The following PDE6C variants were observed in gnomAD, a reference collection of about 807,000 sequenced individuals.
The protein encoded by PDE6C is phosphodiesterase 6C.
In PDE6C, 75 loss-of-function variants were observed where a neutral mutation model predicts 113.1. The observed-to-expected ratio is 0.66, with a 90% CI of 0.55 to 0.80. The LOEUF is 0.80. PDE6C is among the 30% of genes least tolerant of loss of function. The probability of loss-of-function intolerance (pLI) is 0.00; values close to 1 mark genes in which losing one functional copy is unlikely to be tolerated. For synonymous variants in PDE6C, 375 were observed against 363.7 expected (o/e 1.03, Z -0.35); for missense variants, 912 against 1,038.6 (o/e 0.88, Z 1.67).
At chr10:93,614,241 A>T (rs1589691220) in intron 1 of PDE6C, among the ~76,000 whole-genome samples, 1 of 152,200 alleles carries the variant, frequency 6.6e-6, no homozygotes, top group Admixed American at 6.5e-5. Flanking sequence ...AGGCAGGAGG[A>T]TAATCTCCTA....
chr10:93,662,460 CAAA>C (rs11364728), intron 19 of PDE6C, 97 bp from the exon 20 acceptor site: 7,233 of 310,542 alleles, frequency 0.023, no homozygotes, highest in East Asian at 0.034. Flanking sequence ...GACTCTGCCT[CAAA>C]AAAAAAAAAA....
At chr10:93,662,531 T>C (rs1191314585) in intron 19 of PDE6C, 29 bp from the exon 20 acceptor site, 2 of 1,006,468 alleles carry the variant, frequency 2.0e-6, no homozygotes, top group African/African-American at 3.2e-5. Flanking sequence ...CTTAGAAACC[T>C]GTCTTAAAGG....
intron 8 of PDE6C, among the ~76,000 whole-genome samples, chr10:93,632,377 G>C (rs1444301807): frequency 2.6e-5 from 4 of 152,126 alleles, no homozygotes; most frequent in Non-Finnish European, 5.9e-5. Context: ...AGGGTTCCTC[G>C]AAGTGGACTA....
chr10:93,614,390 T>C (rs1035965306), intron 1 of PDE6C, among the ~76,000 whole-genome samples: 1 of 152,176 alleles, frequency 6.6e-6, no homozygotes, highest in African/African-American at 2.4e-5. Context: ...CTGGTAGGGC[T>C]TCAGTCCTGA....
rs546607978 is a variant in PDE6C, at chr10:93,635,642, T to G, written c.1413+2T>G. The G allele has an allele frequency of 6.2e-7, 1 of 1,613,754 alleles. No homozygotes were observed. The highest frequency in any genetic ancestry group is 1.3e-5 in the African/African-American group (1 of 75,032). On this transcript the variant is annotated splice_donor_variant, in intron 10 of 21. Coordinates refer to ENST00000371447, the MANE Select transcript of PDE6C (RefSeq NM_006204.4). LOFTEE classifies it high-confidence loss of function. ...CCTGAAGAAATTAAGTCCATTTTGGTAAGTGGGAAATTCAGTCCTGTGGAC... is the reference window on the plus strand; with the variant it reads ...CCTGAAGAAATTAAGTCCATTTTGGGAAGTGGGAAATTCAGTCCTGTGGAC...
Position 93,652,290 on chromosome 10 carries a change from C to A in PDE6C, c.1936-3470C>A, listed in dbSNP as rs113400768. ...ACTAATACAAAAACTGGAATGGGAT[C>A]TTTTATATGAATCTATATCCACAAC... On this transcript the variant is annotated intron_variant, in intron 15 of 21. Coordinates refer to ENST00000371447, the MANE Select transcript of PDE6C (RefSeq NM_006204.4). 8.8e-3 allele frequency among the ~76,000 whole-genome samples: 1,347 copies of A among 152,222 alleles called. 23 individuals are homozygous for A. The highest frequency in any genetic ancestry group is 0.03 in the African/African-American group (1,263 of 41,546).
At chr10:93,665,226 C>A in intron 21 of PDE6C, 134 bp from the exon 22 acceptor site, 1 of 767,066 alleles carries the variant, frequency 1.3e-6, no homozygotes, top group Non-Finnish European at 2.3e-6. Flanking sequence ...TTTACATGGT[C>A]AAACCCACAG....
At chr10:93,659,038 GT>G (rs773702961) in intron 17 of PDE6C, 30 bp downstream of exon 17, 36 of 1,573,150 alleles carry the variant, frequency 2.3e-5, no homozygotes, top group Non-Finnish European at 2.9e-5. Context: ...TTTCTCTCTT[GT>G]TTTTTGTAAA....
intron 11 of PDE6C, among the ~76,000 whole-genome samples, chr10:93,639,022 C>T (rs1175269700): frequency 6.6e-6 from 1 of 152,206 alleles, no homozygotes; most frequent in African/African-American, 2.4e-5. Context: ...TTGTGTCCTC[C>T]TCAGTGCACT....
At chr10:93,633,910 C>T (rs995461486) in intron 8 of PDE6C, among the ~76,000 whole-genome samples, 2 of 152,186 alleles carry the variant, frequency 1.3e-5, no homozygotes, top group Non-Finnish European at 2.9e-5. Flanking sequence ...AGAAAACAGA[C>T]ACTTGGTTCT....
Position 93,635,517 on chromosome 10 carries a change from A to G in PDE6C, c.1290A>G (p.Gly430=). The change falls in exon 10 of 22, where the codon GGA becomes GGG. Residue 430 remains glycine, a synonymous_variant. Transcript: ENST00000371447. ...YITETLTQFL[G]WSLLNTDTYD... is the part of the protein sequence containing the mutation. ...TTCAGACTCTCACACAATTTCTTGG[A>G]TGGTCTCTTTTAAATACTGACACCT... The G allele has an allele frequency of 1.2e-6, 2 of 1,610,986 alleles. No individual in the cohort carries two copies.
intron 20 of PDE6C, 152 bp from the exon 21 acceptor site, chr10:93,662,876 G>C (rs962369962): frequency 1.4e-6 from 1 of 720,292 alleles, no homozygotes; most frequent in Admixed American, 2.2e-5. Context: ...GACAGCACGT[G>C]TCTCTTTCCC....
rs193276411 is a variant in PDE6C, at chr10:93,634,924, G to A, written c.1269+17G>A. ...ATTACCGAGGCAAGTGCAATAATAA[G>A]ATAATGGAAGTCAATGCAATTCACA... On this transcript the variant is annotated intron_variant, in intron 9 of 21. Coordinates refer to ENST00000371447, the MANE Select transcript of PDE6C (RefSeq NM_006204.4). 968 of 1,613,236 alleles carry A rather than the reference G, an allele frequency of 6.0e-4. 7 individuals are homozygous for A. The African/African-American group carries it at 0.011, about 18-fold the overall frequency.
chr10:93,653,994 A>G (rs1385282006), intron 15 of PDE6C, among the ~76,000 whole-genome samples: 1 of 152,240 alleles, frequency 6.6e-6, no homozygotes, highest in African/African-American at 2.4e-5. Flanking sequence ...TTCTGAAATG[A>G]CTGAGCCATA....
In PDE6C at chr10:93,622,639, G is replaced by GTTTT. The variant is rs67350128; in HGVS notation, c.864+574_864+577dup. On this transcript the variant is annotated intron_variant, in intron 4 of 21. Coordinates refer to ENST00000371447, the MANE Select transcript of PDE6C (RefSeq NM_006204.4). ...CCTTCCAAACTCCTGGTAGCCACAG[G>GTTTT]TTTTTTTTTTGTTTTTTTTTTTGTT... is the stretch of plus-strand genomic sequence containing the variant. 1.8e-4 allele frequency among the ~76,000 whole-genome samples: 20 copies of GTTTT among 113,982 alleles called. 1 individual carries two copies. The highest frequency in any genetic ancestry group is 3.4e-4 in the African/African-American group (9 of 26,758). 74.8% of individuals were successfully genotyped at this position (113,982 alleles called of 152,430 possible).
intron 1 of PDE6C, among the ~76,000 whole-genome samples, chr10:93,614,277 G>A (rs1238121488): frequency 6.6e-6 from 1 of 152,170 alleles, no homozygotes; most frequent in African/African-American, 2.4e-5. Flanking sequence ...TGATTATAGG[G>A]GGAGGGTCAC....
chr10:93,655,963 C>T, intron 16 of PDE6C, 103 bp downstream of exon 16: 1 of 772,918 alleles, frequency 1.3e-6, no homozygotes, highest in Non-Finnish European at 2.4e-6. Context: ...TATTCACACA[C>T]ATACACACAC....
chr10:93,649,897 G>A (rs1039580544), intron 15 of PDE6C, among the ~76,000 whole-genome samples: 6 of 152,136 alleles, frequency 3.9e-5, no homozygotes, highest in Non-Finnish European at 4.4e-5. Flanking sequence ...GAGCCACCAT[G>A]CCTAGCCTAA....
At chr10:93,654,749 A>ATTTTCTTTCT (rs2058624629) in intron 15 of PDE6C, among the ~76,000 whole-genome samples, 1 of 125,310 alleles carries the variant, frequency 8.0e-6, no homozygotes. Flanking sequence ...TTATATACTC[A>ATTTTCTTTCT]TTTTCTTTCT....
Sources: allele counts gnomAD v4.1 joint callset (sites outside exome capture counted in the v4.1 genomes callset), GRCh38; gene constraint gnomAD v4.1.1; transcripts MANE v1.5; gene names NCBI Gene and HGNC (gene_info 2026-07-23, HGNC 2026-07-21).